The following RTN4RL1 variants were observed in gnomAD, a reference collection of about 807,000 sequenced individuals.
The protein encoded by RTN4RL1 is reticulon 4 receptor like 1.
Under a neutral mutation model 25.6 loss-of-function variants are expected in RTN4RL1, and 7 were observed. The observed-to-expected ratio is 0.27, with a 90% CI of 0.16 to 0.51. RTN4RL1 has a LOEUF of 0.51. RTN4RL1 is among the 20% of genes least tolerant of loss of function. RTN4RL1 has a pLI of 0.97. For synonymous variants in RTN4RL1, 297 were observed against 288.2 expected (o/e 1.03, Z -0.31); for missense variants, 500 against 615.6 (o/e 0.81, Z 1.99).
intron 1 of RTN4RL1, among the ~76,000 whole-genome samples, chr17:1,993,683 G>C (rs1178157197): frequency 6.6e-6 from 1 of 151,768 alleles, no homozygotes; most frequent in Non-Finnish European, 1.5e-5. Flanking sequence ...TTGAACCCAA[G>C]TCCCCCATTG....
intron 1 of RTN4RL1, among the ~76,000 whole-genome samples, chr17:1,965,371 C>G (rs1272484137): frequency 4.6e-5 from 7 of 152,158 alleles, no homozygotes; most frequent in Non-Finnish European, 1.0e-4. Flanking sequence ...CTCGGCCTCC[C>G]AAAGTGCTGG....
At position 1,934,957 on chromosome 17, in the gene RTN4RL1, G is replaced by T. The variant is rs1357749272; in HGVS notation, c.*1539C>A. The T allele has an allele frequency of 6.6e-6, 1 of 152,334 alleles. No individual in the cohort carries two copies. Among genetic ancestry groups the T allele is most frequent in the Non-Finnish European group, 1.5e-5 (1 of 68,074 alleles). 9.4% of individuals were successfully genotyped at this position (152,334 alleles called of 1,614,324 possible). A position where few individuals can be genotyped will look rare whatever the true frequency, so the allele number is the denominator to read the frequency against. ...CTGAGCATCCCCAGGACGGCTGGGAGGGCCAGGTCTTCCGTGATGCAGAAG... is the reference window on the plus strand; with the variant it reads ...CTGAGCATCCCCAGGACGGCTGGGATGGCCAGGTCTTCCGTGATGCAGAAG... On this transcript the variant is annotated 3_prime_UTR_variant, in exon 2 of 2. Transcript: ENST00000331238. This position sits in a 1 kb window ranked among gnomAD's most constrained non-coding sequence, Gnocchi z 4.0.
rs184501678 is a variant in RTN4RL1 at position 1,950,058 on chromosome 17, T to C, written c.14-12250A>G. On this transcript the variant is annotated intron_variant, in intron 1 of 1. Coordinates refer to ENST00000331238, the MANE Select transcript of RTN4RL1 (RefSeq NM_178568.4). The stretch of plus-strand genomic sequence containing the variant: ...GGCCTGAAACACCACCAGAAAGGGT[T>C]TGGATCTAATTCTGAGTGTGATGAG... 3.3e-5 allele frequency among the ~76,000 whole-genome samples: 5 copies of C among 152,258 alleles called. No homozygotes were observed. In the East Asian group the frequency reaches 9.7e-4, roughly 29 times the overall value.
At chr17:2,004,367 CAAAA>C (rs58690992) in intron 1 of RTN4RL1, among the ~76,000 whole-genome samples, 5 of 36,566 alleles carry the variant, frequency 1.4e-4, no homozygotes, top group Admixed American at 2.6e-4. Context: ...GACTCTGTCT[CAAAA>C]AAAAAAAAAA....
rs1219337512 is a variant in RTN4RL1 at position 1,936,841 on chromosome 17, C to T, written c.981G>A (p.Lys327=). The T allele has an allele frequency of 6.3e-6, 10 of 1,585,782 alleles. No individual in the cohort carries two copies. The highest frequency in any genetic ancestry group is 8.6e-6 in the Non-Finnish European group (10 of 1,166,688). Residue 327 remains lysine (K), a synonymous_variant, in exon 2 of 2, where the codon AAG becomes AAA. Coordinates refer to ENST00000331238, the MANE Select transcript of RTN4RL1 (RefSeq NM_178568.4). ...TLTTTDRAAR[K]EHHSPHGPTR... ...TGGGGCCGTGGGGTGAGTGGTGTTC[C>T]TTGCGGGCGGCCCTGTCGGTGGTGG...
At chr17:1,951,406 G>A (rs1022453667) in intron 1 of RTN4RL1, among the ~76,000 whole-genome samples, 7 of 152,182 alleles carry the variant, frequency 4.6e-5, no homozygotes, top group Non-Finnish European at 7.3e-5. Flanking sequence ...AGGAAACCAG[G>A]AAAGTGTGGC....
intron 1 of RTN4RL1, among the ~76,000 whole-genome samples, chr17:1,977,515 G>A (rs375768437): frequency 1.2e-4 from 19 of 152,196 alleles, no homozygotes; most frequent in African/African-American, 4.3e-4. Flanking sequence ...GAGCCGCCCA[G>A]TGCCGCCCCC....
intron 1 of RTN4RL1, among the ~76,000 whole-genome samples, chr17:1,997,688 G>A (rs926321057): frequency 3.9e-5 from 6 of 152,128 alleles, no homozygotes; most frequent in Non-Finnish European, 8.8e-5. Context: ...GGAACACCTC[G>A]CCAGCCTCCC....
chr17:1,978,251 C>T (rs2066851926), intron 1 of RTN4RL1, among the ~76,000 whole-genome samples: 1 of 152,204 alleles, frequency 6.6e-6, no homozygotes, highest in South Asian at 2.1e-4. Context: ...GGCCAAGAGC[C>T]CCGACCCGTG....
At chr17:1,971,666 C>CAA (rs57067588) in intron 1 of RTN4RL1, among the ~76,000 whole-genome samples, 11 of 148,644 alleles carry the variant, frequency 7.4e-5, no homozygotes, top group South Asian at 4.3e-4. Context: ...CCTGTCTCTA[C>CAA]AAAAAAAAAA....
intron 1 of RTN4RL1, among the ~76,000 whole-genome samples, chr17:1,967,389 C>T (rs11655121): frequency 0.019 from 2,931 of 152,256 alleles, 36 homozygotes; most frequent in Non-Finnish European, 0.031. Flanking sequence ...TCCCCGCCCC[C>T]GCTACCCACC....
intron 1 of RTN4RL1, among the ~76,000 whole-genome samples, chr17:1,946,059 C>T (rs529331392): frequency 1.4e-4 from 22 of 152,318 alleles, no homozygotes; most frequent in Non-Finnish European, 2.6e-4. Context: ...GGTGACCACA[C>T]GGTGAGGAGA....
At chr17:1,947,636 C>A (rs1411842215) in intron 1 of RTN4RL1, among the ~76,000 whole-genome samples, 2 of 152,244 alleles carry the variant, frequency 1.3e-5, no homozygotes, top group Non-Finnish European at 2.9e-5. Flanking sequence ...CTGGAGCAGG[C>A]CTGGCTGGGA....
In RTN4RL1 at chr17:2,021,688, G is replaced by C. The variant is rs372688441; in HGVS notation, c.13+3165C>G. Among the ~76,000 whole-genome samples, 79 of 151,264 alleles carry C rather than the reference G, an allele frequency of 5.2e-4. 2 individuals carry two copies. The East Asian group carries it at 0.015, about 29-fold the overall frequency. ...TCCTGCCTCAACTTCCCAAGGAGCT[G>C]GGATTACAGGCATGAACCAGCACGC... On this transcript the variant is annotated intron_variant, in intron 1 of 1. Transcript: ENST00000331238.
chr17:1,953,449 T>G (rs1915724953), intron 1 of RTN4RL1, among the ~76,000 whole-genome samples: 1 of 152,200 alleles, frequency 6.6e-6, no homozygotes, highest in South Asian at 2.1e-4. Context: ...ATATACCTAA[T>G]GTAAATGATG....
chr17:1,944,604 C>T (rs912506288), intron 1 of RTN4RL1, among the ~76,000 whole-genome samples: 1 of 152,010 alleles, frequency 6.6e-6, no homozygotes, highest in African/African-American at 2.4e-5. Flanking sequence ...TTACAGGTGC[C>T]CACCACCACA....
intron 1 of RTN4RL1, among the ~76,000 whole-genome samples, chr17:2,015,729 T>C (rs8080702): frequency 6.6e-6 from 1 of 151,180 alleles, no homozygotes; most frequent in Admixed American, 6.6e-5. Flanking sequence ...GAATAAGGAG[T>C]CTCCAAGTGT....
intron 1 of RTN4RL1, among the ~76,000 whole-genome samples, chr17:1,950,139 T>G (rs1781278774): frequency 6.7e-6 from 1 of 149,998 alleles, no homozygotes; most frequent in African/African-American, 2.5e-5. Context: ...ATTTGGGAGG[T>G]TGCATTTGGA....
In RTN4RL1 at chr17:1,936,563, G is replaced by A; in HGVS notation, c.1259C>T (p.Ser420Phe). 1 of 1,564,122 alleles carries A rather than the reference G, an allele frequency of 6.4e-7. No homozygotes were observed. The highest frequency in any genetic ancestry group is 8.7e-7 in the Non-Finnish European group (1 of 1,155,226). ...IRAPSGVQQA[S>F]SASSLGASLL... is the part of the protein sequence containing the mutation. ...GGAGGCCCCCAGGGAACTGGCCGAGGAGGCCTGCTGCACCCCGCTGGGGGC... is the reference window on the plus strand; with the variant it reads ...GGAGGCCCCCAGGGAACTGGCCGAGAAGGCCTGCTGCACCCCGCTGGGGGC... Residue 420 changes from serine to phenylalanine, a missense_variant, in exon 2 of 2, where the codon TCC (serine) becomes TTC (phenylalanine). Around this residue, in one of 2 missense-constraint regions of RTN4RL1, gnomAD observed 268 missense variants for 274.5 expected, o/e 0.98. Coordinates refer to ENST00000331238, the MANE Select transcript of RTN4RL1 (RefSeq NM_178568.4).
Sources: allele counts gnomAD v4.1 joint callset (sites outside exome capture counted in the v4.1 genomes callset), GRCh38; gene constraint gnomAD v4.1.1; regional missense constraint gnomAD v4.1.1; non-coding constraint Gnocchi (gnomAD v3.1); transcripts MANE v1.5; gene names NCBI Gene and HGNC (gene_info 2026-07-23, HGNC 2026-07-21).